ANXA5: variants seen among roughly 807,000 people sequenced by gnomAD.
ANXA5 encodes annexin A5.
In ANXA5, 40 loss-of-function variants were observed where a neutral mutation model predicts 48.1. The ratio of observed to expected loss-of-function variants is 0.83; its 90% CI spans 0.65 to 1.08. The LOEUF (loss-of-function observed/expected upper bound fraction) is 1.08, where lower values mean the gene tolerates loss of function less well. Ranked by LOEUF, ANXA5 falls within the 50% of genes least tolerant of loss-of-function variation. ANXA5 has a pLI of 0.00. For missense variants in ANXA5, 357 were observed against 376.8 expected, an observed-to-expected ratio of 0.95 and a Z score of 0.44; for synonymous variants, 113 against 129.1, an observed-to-expected ratio of 0.88 and a Z score of 0.85.
At chr4:121,696,257 T>C (rs1042427614) in intron 2 of ANXA5, among the ~76,000 whole-genome samples, 5 of 152,144 alleles carry the variant, frequency 3.3e-5, no homozygotes, top group Non-Finnish European at 7.3e-5. Context: ...TGAGCTACTC[T>C]CTGGATTTTG....
At chr4:121,687,125 T>A (rs766517842) in intron 2 of ANXA5, among the ~76,000 whole-genome samples, 1 of 151,776 alleles carries the variant, frequency 6.6e-6, no homozygotes, top group Non-Finnish European at 1.5e-5. Context: ...GGCTAACACG[T>A]TGAAACCCCA....
chr4:121,694,105 G>A (rs57290831), intron 2 of ANXA5, among the ~76,000 whole-genome samples: 5 of 45,254 alleles, frequency 1.1e-4, no homozygotes, highest in African/African-American at 7.0e-4. Context: ...TTGTGGGCGG[G>A]GGGGAGGGGG....
intron 6 of ANXA5, among the ~76,000 whole-genome samples, chr4:121,680,317 T>C (rs1034962542): frequency 1.3e-5 from 2 of 152,224 alleles, no homozygotes; most frequent in African/African-American, 2.4e-5. Context: ...CATCTGTCAA[T>C]GGACACTTTG....
At chr4:121,669,870 T>C in intron 11 of ANXA5, 84 bp downstream of exon 11, 1 of 1,453,636 alleles carries the variant, frequency 6.9e-7, no homozygotes. Context: ...TCCCAAGGTC[T>C]ATCATCTAAA....
intron 6 of ANXA5, among the ~76,000 whole-genome samples, chr4:121,680,845 T>A (rs1283420745): frequency 6.6e-6 from 1 of 152,230 alleles, no homozygotes; most frequent in Admixed American, 6.5e-5. Flanking sequence ...GATTCAGCCC[T>A]TTAGAAAGGT....
intron 2 of ANXA5, among the ~76,000 whole-genome samples, chr4:121,688,900 T>G (rs1432930455): frequency 1.3e-5 from 2 of 152,054 alleles, no homozygotes; most frequent in Non-Finnish European, 2.9e-5. Context: ...ACTTGTCTCG[T>G]GGAGAGGTTA....
chr4:121,684,785 T>C lies in ANXA5; in HGVS notation c.95-14A>G. 6.2e-7 allele frequency: 1 copy of C among 1,611,434 alleles called. No homozygotes were observed. The highest frequency in any genetic ancestry group is 8.5e-7 in the Non-Finnish European group (1 of 1,178,018). On this transcript the variant is annotated splice_polypyrimidine_tract_variant and intron_variant, in intron 3 of 12. Transcript: ENST00000296511. Reference sequence around the variant, plus strand: ...CCTCATCTGTGCCTGCAATTTATGGTTAACAATTACATTTTGGCTCCTACA... The same window carrying C: ...CCTCATCTGTGCCTGCAATTTATGGCTAACAATTACATTTTGGCTCCTACA...
chr4:121,685,309 G>A lies in ANXA5; in HGVS notation c.95-538C>T, dbSNP rs1017776942. Reference sequence around the variant, plus strand: ...AGGCAAAATGTGACAAGTGCCTCAGGAGAGATCTAGGTGTTAAATGGGGCT... The same window carrying A: ...AGGCAAAATGTGACAAGTGCCTCAGAAGAGATCTAGGTGTTAAATGGGGCT... On this transcript the variant is annotated intron_variant, in intron 3 of 12. Coordinates refer to ENST00000296511, the MANE Select transcript of ANXA5 (RefSeq NM_001154.4). Among the ~76,000 whole-genome samples, 4 of 152,048 alleles carry A rather than the reference G, an allele frequency of 2.6e-5. No individual in the cohort carries two copies. The East Asian group carries it at 7.7e-4, about 29-fold the overall frequency.
At chr4:121,681,032 GA>G (rs927436182) in intron 6 of ANXA5, among the ~76,000 whole-genome samples, 3 of 152,242 alleles carry the variant, frequency 2.0e-5, no homozygotes, top group African/African-American at 7.2e-5. Context: ...TCAGGCAGGA[GA>G]AAGAGTTGGC....
chr4:121,691,537 A>G (rs968358543), intron 2 of ANXA5, among the ~76,000 whole-genome samples: 1 of 116,180 alleles, frequency 8.6e-6, no homozygotes, highest in Non-Finnish European at 2.0e-5. Flanking sequence ...CAAATACCGC[A>G]CCCTCCCCCC....
At chr4:121,688,702 C>A (rs1724933571) in intron 2 of ANXA5, among the ~76,000 whole-genome samples, 1 of 152,134 alleles carries the variant, frequency 6.6e-6, no homozygotes, top group South Asian at 2.1e-4. Context: ...GACCTTAACT[C>A]CTAAGTCAAG....
rs566485727 is a variant in ANXA5, at chr4:121,696,882, T to C, written c.-55A>G. 1 of 310,856 alleles carries C rather than the reference T, an allele frequency of 3.2e-6. No individual in the cohort carries two copies. The highest frequency in any genetic ancestry group is 5.9e-6 in the Non-Finnish European group (1 of 170,812). 19.3% of individuals were successfully genotyped at this position (310,856 alleles called of 1,614,324 possible). On this transcript the variant is annotated 5_prime_UTR_variant, in exon 1 of 13. Coordinates refer to ENST00000296511, the MANE Select transcript of ANXA5 (RefSeq NM_001154.4). ...ACTCACCCAGACTGTGGGACCCAAG[T>C]GCCCCGAAACCCCGGGAGAGCGGCG... is the stretch of plus-strand genomic sequence containing the variant.
intron 6 of ANXA5, among the ~76,000 whole-genome samples, chr4:121,680,798 G>A (rs939671501): frequency 6.6e-6 from 1 of 152,162 alleles, no homozygotes; most frequent in Non-Finnish European, 1.5e-5. Context: ...TAGCGGTTGG[G>A]AACTTACTGC....
Sources: allele counts gnomAD v4.1 joint callset (sites outside exome capture counted in the v4.1 genomes callset), GRCh38; gene constraint gnomAD v4.1.1; transcripts MANE v1.5; gene names NCBI Gene and HGNC (gene_info 2026-07-23, HGNC 2026-07-21).